TMEM131: variants seen among roughly 807,000 people sequenced by gnomAD.
TMEM131 encodes the protein 2610524E03Rik.
In TMEM131, 66 loss-of-function variants were observed where a neutral mutation model predicts 211.6. That is an observed-to-expected ratio of 0.31 (90% CI 0.26 to 0.38). The LOEUF (loss-of-function observed/expected upper bound fraction) is 0.38. Ranked by LOEUF, TMEM131 falls within the 10% of genes least tolerant of loss-of-function variation. TMEM131 has a pLI of 1.00. For synonymous variants in TMEM131, 844 were observed against 841.3 expected (o/e 1.00, Z -0.06); for missense variants, 2,036 against 2,299.3 (o/e 0.89, Z 2.34).
intron 32 of TMEM131, 29 bp downstream of exon 32, chr2:97,775,814 G>A (rs753134556): frequency 1.1e-5 from 17 of 1,592,506 alleles, no homozygotes; most frequent in Middle Eastern, 1.7e-4. Context: ...TTTCTCCCTC[G>A]TGTTTTGTTG....
chr2:97,766,536 A>G lies in TMEM131; in HGVS notation c.4515T>C (p.Ile1505=). The change falls in exon 34 of 41, where the codon ATT becomes ATC. Residue 1505 remains isoleucine (I), a synonymous_variant. Transcript: ENST00000186436. ...CACTTGTCATTGCAGTTGGAAGAGG[A>G]ATCTTGCTTGGGAGATTTCTACGTT... The part of the protein sequence containing the change: ...SKQRRNLPSK[I]PLPTAMTSGS... 1 of 1,613,972 alleles carries G rather than the reference A, an allele frequency of 6.2e-7. No individual in the cohort carries two copies. The highest frequency in any genetic ancestry group is 1.1e-5 in the South Asian group (1 of 91,082).
At chr2:97,787,743 A>G (rs1573360445) in intron 31 of TMEM131, among the ~76,000 whole-genome samples, 1 of 152,222 alleles carries the variant, frequency 6.6e-6, no homozygotes, top group East Asian at 1.9e-4. Flanking sequence ...CCTTTCCAAA[A>G]TTCTGAATTC....
At chr2:97,895,735 T>C (rs1403619514) in intron 3 of TMEM131, among the ~76,000 whole-genome samples, 1 of 152,224 alleles carries the variant, frequency 6.6e-6, no homozygotes, top group African/African-American at 2.4e-5. Context: ...TCATTTTTTA[T>C]TGCATCGATT....
intron 4 of TMEM131, 51 bp from the exon 5 acceptor site, chr2:97,859,478 T>A (rs1391656497): frequency 7.0e-7 from 1 of 1,428,320 alleles, no homozygotes; most frequent in Non-Finnish European, 9.3e-7. Flanking sequence ...TAATTCTGAT[T>A]ATTTCTAGTT....
At chr2:97,814,201 G>A in intron 14 of TMEM131, 34 bp downstream of exon 14, 1 of 1,610,500 alleles carries the variant, frequency 6.2e-7, no homozygotes, top group East Asian at 2.2e-5. Flanking sequence ...TGGTAGACCA[G>A]GAAAATTAAA....
chr2:97,809,817 T>TA (rs1465099281), intron 18 of TMEM131, 43 bp from the exon 19 acceptor site: 1 of 1,462,510 alleles, frequency 6.8e-7, no homozygotes, highest in African/African-American at 1.4e-5. Context: ...AGTTAAGACT[T>TA]AGCCTGATCT....
intron 2 of TMEM131, among the ~76,000 whole-genome samples, chr2:97,925,984 C>G (rs1379270565): frequency 6.6e-6 from 1 of 151,756 alleles, no homozygotes; most frequent in African/African-American, 2.4e-5. Flanking sequence ...TGGTGGCAGG[C>G]GCCAGTAGTC....
chr2:97,788,962 A>G (rs1680373698), intron 31 of TMEM131, among the ~76,000 whole-genome samples: 1 of 152,214 alleles, frequency 6.6e-6, no homozygotes, highest in South Asian at 2.1e-4. Context: ...ATACATGCAT[A>G]CTTTTTTCTT....
intron 1 of TMEM131, among the ~76,000 whole-genome samples, chr2:97,933,605 T>C (rs1677321346): frequency 6.6e-6 from 1 of 152,128 alleles, no homozygotes; most frequent in African/African-American, 2.4e-5. Flanking sequence ...CTGAATTTTA[T>C]GCTACATACA....
chr2:97,788,568 GGGTCTCGGCCCACTCCA>G (rs1553594568), intron 31 of TMEM131, among the ~76,000 whole-genome samples: 2 of 152,090 alleles, frequency 1.3e-5, no homozygotes, highest in Non-Finnish European at 2.9e-5. Flanking sequence ...CTACCAAACT[GGGTCTCGGCCCACTCCA>G]CCACCTGGGC....
At chr2:97,924,539 G>A (rs1315070033) in intron 2 of TMEM131, among the ~76,000 whole-genome samples, 1 of 152,132 alleles carries the variant, frequency 6.6e-6, no homozygotes, top group Non-Finnish European at 1.5e-5. Flanking sequence ...CCCTGCCTGT[G>A]GTACACCTGG....
At chr2:97,760,543 G>T in intron 38 of TMEM131, 50 bp downstream of exon 38, 5 of 1,536,102 alleles carry the variant, frequency 3.3e-6, no homozygotes, top group South Asian at 2.4e-5. Context: ...GTGCTAACCC[G>T]ACTTGAGAAG....
Position 97,797,415 on chromosome 2 carries a change from T to G in TMEM131, c.2820A>C (p.Val940=), listed in dbSNP as rs61753872. The change falls in exon 26 of 41, where the codon GTA becomes GTC. Residue 940 remains valine, a synonymous_variant. Transcript: ENST00000186436. ...LKPGEKKSVK[V]KFTPVHNRTV... is the part of the protein sequence containing the mutation. ...TTCTGTTGTGAACTGGAGTAAACTT[T>G]ACTTTGACAGATTTCTTTTCTCCAG... 2.0e-3 allele frequency: 3,232 copies of G among 1,612,738 alleles called. 64 individuals carry two copies. In the African/African-American group the frequency reaches 0.039, roughly 19 times the overall value.
At chr2:97,958,352 C>T (rs775097690) in intron 1 of TMEM131, among the ~76,000 whole-genome samples, 8 of 152,180 alleles carry the variant, frequency 5.3e-5, no homozygotes, top group Non-Finnish European at 1.0e-4. Context: ...CAGGCTGTCT[C>T]TCAACGACCT....
At chr2:97,889,448 G>A (rs531904875) in intron 3 of TMEM131, among the ~76,000 whole-genome samples, 217 of 151,990 alleles carry the variant, frequency 1.4e-3, no homozygotes, top group Non-Finnish European at 2.7e-3. Flanking sequence ...ATGCTCCTCA[G>A]CTCATTAGTT....
chr2:97,843,308 C>A (rs990146503), intron 6 of TMEM131, among the ~76,000 whole-genome samples: 1 of 152,144 alleles, frequency 6.6e-6, no homozygotes. Flanking sequence ...CACTGCTGGA[C>A]AAATATGAGC....
chr2:97,967,756 G>A (rs990307294), intron 1 of TMEM131, among the ~76,000 whole-genome samples: 8 of 152,270 alleles, frequency 5.3e-5, no homozygotes, highest in Non-Finnish European at 8.8e-5. Flanking sequence ...AGAGGAAACA[G>A]ACTCTCAGGG....
At chr2:97,782,821 G>A (rs1559355954) in intron 31 of TMEM131, among the ~76,000 whole-genome samples, 1 of 151,902 alleles carries the variant, frequency 6.6e-6, no homozygotes, top group Non-Finnish European at 1.5e-5. Context: ...AGAGCTTCAG[G>A]GACCCGTGTA....
intron 5 of TMEM131, among the ~76,000 whole-genome samples, chr2:97,856,345 T>C (rs997724017): frequency 1.4e-4 from 22 of 152,266 alleles, no homozygotes; most frequent in African/African-American, 4.8e-4. Context: ...GAGAAATAAA[T>C]TGTCATACAA....
Sources: gnomAD v4.1 joint callset for allele counts (sites outside exome capture counted in the v4.1 genomes callset) on GRCh38, gnomAD v4.1.1 for gene constraint, MANE v1.5 for transcripts, NCBI Gene and HGNC (gene_info 2026-07-23, HGNC 2026-07-21) for gene names.